Variants in DMD observed in about 807,000 individuals in gnomAD.
The protein encoded by DMD is mutant dystrophin.
In DMD, 63 loss-of-function variants were observed where a neutral mutation model predicts 330.1. The ratio of observed to expected loss-of-function variants is 0.19; its 90% CI spans 0.16 to 0.24. The LOEUF (loss-of-function observed/expected upper bound fraction) is 0.24. Ranked by LOEUF, DMD falls within the 10% of genes least tolerant of loss-of-function variation. The probability of loss-of-function intolerance (pLI) is 1.00; values close to 1 mark genes in which losing one functional copy is unlikely to be tolerated. For missense variants in DMD, 3,344 were observed against 2,684.1 expected (o/e 1.25, Z -5.43); for synonymous variants, 1,223 against 959.8 (o/e 1.27, Z -5.07).
chrX:32,046,032 G>T (rs1407834396), intron 44 of DMD, among the ~76,000 whole-genome samples: 1 of 112,285 alleles, frequency 8.9e-6, no homozygotes, highest in Non-Finnish European at 1.9e-5. Context: ...AATGGAAACT[G>T]TAACAGTAAA....
intron 53 of DMD, among the ~76,000 whole-genome samples, chrX:31,663,854 T>C (rs186170422): frequency 8.9e-6 from 1 of 111,932 alleles, no homozygotes; most frequent in East Asian, 2.8e-4. Context: ...AAGGCAGATA[T>C]TCACTCATTA....
chrX:32,392,096 T>C (rs1187092340), intron 30 of DMD, among the ~76,000 whole-genome samples: 1 of 111,641 alleles, frequency 9.0e-6, no homozygotes, highest in East Asian at 2.8e-4. Flanking sequence ...GTGTCACATA[T>C]ACTAGCAAAT....
intron 62 of DMD, among the ~76,000 whole-genome samples, chrX:31,296,686 T>C (rs1409731118): frequency 8.9e-6 from 1 of 112,175 alleles, no homozygotes; most frequent in Non-Finnish European, 1.9e-5. Flanking sequence ...ACAAATAACA[T>C]GGTTCATAGC....
At chrX:32,536,135 C>T (rs1376601163) in intron 17 of DMD, among the ~76,000 whole-genome samples, 1 of 109,122 alleles carries the variant, frequency 9.2e-6, no homozygotes, top group African/African-American at 3.4e-5. Flanking sequence ...CATGGTGGCC[C>T]TTGCCTGTAG....
At chrX:32,695,589 G>T (rs1435773447) in intron 9 of DMD, among the ~76,000 whole-genome samples, 5 of 111,031 alleles carry the variant, frequency 4.5e-5, no homozygotes, top group Non-Finnish European at 5.7e-5. Flanking sequence ...ACTTCACTTG[G>T]AGACATACTA....
intron 15 of DMD, among the ~76,000 whole-genome samples, chrX:32,567,886 G>T (rs763744304): frequency 9.0e-6 from 1 of 110,604 alleles, no homozygotes; most frequent in Non-Finnish European, 1.9e-5. Context: ...ATGGAAAGAG[G>T]CACAATATAC....
At chrX:31,828,461 C>T (rs981868816) in intron 49 of DMD, among the ~76,000 whole-genome samples, 10 of 109,657 alleles carry the variant, frequency 9.1e-5, no homozygotes, top group Non-Finnish European at 1.5e-4. Context: ...GTCAGGAGTT[C>T]GAGACCTGCC....
chrX:32,588,438 T>A (rs1188507422), intron 13 of DMD, among the ~76,000 whole-genome samples: 1 of 111,264 alleles, frequency 9.0e-6, no homozygotes, highest in Non-Finnish European at 1.9e-5. Context: ...TGCAAAGAGG[T>A]CGTAACATAC....
At chrX:31,979,060 T>A (rs2095457887) in intron 44 of DMD, among the ~76,000 whole-genome samples, 1 of 111,677 alleles carries the variant, frequency 9.0e-6, no homozygotes, top group East Asian at 2.8e-4. Context: ...AAAATTAAAT[T>A]TTGTTATTAT....
intron 61 of DMD, among the ~76,000 whole-genome samples, chrX:31,326,790 A>C (rs1224803456): frequency 9.0e-6 from 1 of 111,325 alleles, no homozygotes; most frequent in Non-Finnish European, 1.9e-5. Context: ...GGGCTGCCAG[A>C]TGATTCTGGT....
intron 31 of DMD, 25 bp downstream of exon 31, chrX:32,390,046 C>T: frequency 2.6e-6 from 3 of 1,139,166 alleles, no homozygotes; most frequent in Middle Eastern, 2.4e-4. Context: ...AAAACACGTT[C>T]CTTAGTTTCT....
rs756930276 is a variant in DMD at position 31,657,964 on chromosome X, A to T, written c.8027+26T>A. 9.3e-6 allele frequency: 11 copies of T among 1,188,582 alleles called. No individual in the cohort carries two copies. In the South Asian group the frequency reaches 2.0e-4, roughly 21 times the overall value. On this transcript the variant is annotated intron_variant, in intron 54 of 78. Coordinates refer to ENST00000357033, the MANE Select transcript of DMD (RefSeq NM_004006.3). ...CCACCCCATTATTACAGCCAACAGT[A>T]GTTTTAGAAATAATGTAATTCATAC...
At chrX:31,708,542 G>A (rs1445854929) in intron 52 of DMD, among the ~76,000 whole-genome samples, 1 of 111,258 alleles carries the variant, frequency 9.0e-6, no homozygotes, top group African/African-American at 3.3e-5. Flanking sequence ...GGATCCTATG[G>A]CATAAATAAT....
chrX:32,832,789 C>A (rs1474817563), intron 4 of DMD, among the ~76,000 whole-genome samples: 5 of 111,586 alleles, frequency 4.5e-5, no homozygotes, highest in Admixed American at 9.6e-5. Flanking sequence ...TGTATTGAAT[C>A]TTTTTCTTAT....
At chrX:31,688,601 C>A (rs1203022244) in intron 52 of DMD, among the ~76,000 whole-genome samples, 10 of 111,836 alleles carry the variant, frequency 8.9e-5, no homozygotes, top group East Asian at 2.8e-4. Context: ...AAGAGGGAAT[C>A]CTCCCTAACT....
intron 2 of DMD, among the ~76,000 whole-genome samples, chrX:32,973,535 AGTATC>A (rs1193745562): frequency 9.0e-6 from 1 of 111,726 alleles, no homozygotes. Context: ...AAAATGTGTG[AGTATC>A]GTAAAGCCAC....
intron 1 of DMD, among the ~76,000 whole-genome samples, chrX:33,108,940 C>A (rs1288226076): frequency 1.0e-5 from 1 of 95,977 alleles, no homozygotes; most frequent in Non-Finnish European, 2.1e-5. Flanking sequence ...AACTTGTAAT[C>A]TTAAATAAAA....
chrX:32,100,477 T>C (rs1157727009), intron 44 of DMD, among the ~76,000 whole-genome samples: 1 of 109,935 alleles, frequency 9.1e-6, no homozygotes, highest in Non-Finnish European at 1.9e-5. Flanking sequence ...ATGTTTTCTG[T>C]ATTAACACGT....
intron 49 of DMD, among the ~76,000 whole-genome samples, chrX:31,831,760 G>A (rs189448470): frequency 1.3e-4 from 14 of 110,350 alleles, no homozygotes; most frequent in Non-Finnish European, 2.5e-4. Flanking sequence ...CACCAAGCCC[G>A]GCTAATTTTG....
Sources: allele counts gnomAD v4.1 joint callset (sites outside exome capture counted in the v4.1 genomes callset), GRCh38; gene constraint gnomAD v4.1.1; transcripts MANE v1.5; gene names NCBI Gene and HGNC (gene_info 2026-07-23, HGNC 2026-07-21).